Variants in INTS6 observed in about 807,000 individuals in gnomAD.
INTS6 encodes integrator complex subunit 6.
Under a neutral mutation model 104.9 loss-of-function variants are expected in INTS6, and 16 were observed. The observed-to-expected ratio is 0.15, with a 90% confidence interval of 0.10 to 0.23. The LOEUF (loss-of-function observed/expected upper bound fraction) is 0.23, where lower values mean the gene tolerates loss of function less well. Among genes scored for constraint, INTS6 ranks in the 10% least tolerant of loss-of-function variants. INTS6 has a pLI of 1.00. For synonymous variants in INTS6, 324 were observed against 358.7 expected (o/e 0.90, Z 1.09); for missense variants, 584 against 1,062.8 (o/e 0.55, Z 6.26).
chr13:51,341,331 G>C, the INTS6 span: 1 of 1,601,606 alleles, frequency 6.2e-7, no homozygotes, highest in Middle Eastern at 1.7e-4. Context: ...CAGATGCCCT[G>C]GGGTACACTG....
chr13:51,380,636 TTA>T (rs1452399375), intron 10 of INTS6, among the ~76,000 whole-genome samples: 14 of 152,210 alleles, frequency 9.2e-5, no homozygotes. Context: ...AATCTCCTAA[TTA>T]TATTAGGGAT....
chr13:51,374,994 A>C (rs1955889410), intron 13 of INTS6, among the ~76,000 whole-genome samples, 198 bp from the exon 14 acceptor site: 1 of 152,158 alleles, frequency 6.6e-6, no homozygotes. Context: ...TCATCATCTA[A>C]ACAAAACAAA....
At chr13:51,397,312 G>A (rs920316443) in intron 4 of INTS6, among the ~76,000 whole-genome samples, 1 of 151,906 alleles carries the variant, frequency 6.6e-6, no homozygotes. Context: ...ATGTTATACT[G>A]GCACCTCTCT....
At chr13:51,381,986 T>C (rs9526753) in intron 10 of INTS6, 43 bp downstream of exon 10, 863,401 of 1,339,256 alleles carry the variant, frequency 0.64, 282,713 homozygotes, top group African/African-American at 0.9. Context: ...CAGGCGTGAG[T>C]CACTGCGCCC....
chr13:51,393,074 AT>A (rs368682215), intron 5 of INTS6, among the ~76,000 whole-genome samples: 5,487 of 139,370 alleles, frequency 0.039, 78 homozygotes, highest in African/African-American at 0.063. Flanking sequence ...AAACAACTAA[AT>A]TTTTTTTTTT....
chr13:51,428,048 C>A (rs1957015357), intron 4 of INTS6, among the ~76,000 whole-genome samples: 1 of 152,084 alleles, frequency 6.6e-6, no homozygotes, highest in South Asian at 2.1e-4. Flanking sequence ...CAAAACAGAT[C>A]CAGACATATG....
intron 3 of INTS6, chr13:51,450,674 G>A (rs1358814081): frequency 2.0e-6 from 2 of 995,842 alleles, no homozygotes; most frequent in Non-Finnish European, 2.4e-6. Context: ...ACGAACTAGT[G>A]TCTCTAAGCC....
chr13:51,446,008 T>C (rs1453632724), intron 3 of INTS6: 3 of 152,194 alleles, frequency 2.0e-5, no homozygotes, highest in Non-Finnish European at 2.9e-5. Flanking sequence ...TTCAGTGACA[T>C]TGGATTTAGC....
intron 5 of INTS6, among the ~76,000 whole-genome samples, chr13:51,394,020 CCA>C (rs1593700564): frequency 6.6e-6 from 1 of 150,724 alleles, no homozygotes; most frequent in Non-Finnish European, 1.5e-5. Flanking sequence ...AGTAAAATCC[CCA>C]GAGTTTAAAA....
intron 3 of INTS6, chr13:51,449,691 CTG>C (rs2138176316): frequency 1.0e-6 from 1 of 985,292 alleles, no homozygotes; most frequent in East Asian, 1.1e-4. Context: ...AGCAGTAAGA[CTG>C]TGTTGCACTA....
intron 4 of INTS6, chr13:51,423,147 C>A: frequency 1.2e-6 from 1 of 816,768 alleles, no homozygotes; most frequent in Non-Finnish European, 1.7e-6. Flanking sequence ...TATTCTTATA[C>A]ACAGCCAAAG....
chr13:51,415,991 A>G (rs1956780245), intron 4 of INTS6, among the ~76,000 whole-genome samples: 1 of 152,236 alleles, frequency 6.6e-6, no homozygotes, highest in Non-Finnish European at 1.5e-5. Context: ...CACAGAAGTC[A>G]AGAGAAGCTT....
At chr13:51,393,223 G>A (rs1276255612) in intron 5 of INTS6, among the ~76,000 whole-genome samples, 1 of 151,988 alleles carries the variant, frequency 6.6e-6, no homozygotes, top group East Asian at 1.9e-4. Context: ...GATTACAGGC[G>A]TGTGCCATCA....
chr13:51,439,379 T>G (rs1952751073), intron 3 of INTS6: 1 of 152,198 alleles, frequency 6.6e-6, no homozygotes, highest in Non-Finnish European at 1.5e-5. Flanking sequence ...AATTTGTCCT[T>G]TGGTTACAAC....
In INTS6 at chr13:51,363,970, T is replaced by C. The variant is rs1955635286; in HGVS notation, c.*1782A>G. 1 of 249,644 alleles carries C rather than the reference T, an allele frequency of 4.0e-6. No homozygotes were observed. The highest frequency in any genetic ancestry group is 2.2e-5 in the African/African-American group (1 of 44,986). The allele number at this position is 249,644 out of a possible 1,614,324, so 15.5% of individuals were successfully genotyped here. A position where few individuals can be genotyped will look rare whatever the true frequency, so the allele number is the denominator to read the frequency against. On this transcript the variant is annotated 3_prime_UTR_variant, in exon 18 of 18. Transcript: ENST00000311234. ...TGAATCTCTTTCCTAGATACTCTTG[T>C]TAAGTATGAATTTTTATCTGAATGA...
intron 15 of INTS6, among the ~76,000 whole-genome samples, chr13:51,373,774 A>G (rs947943980): frequency 1.3e-5 from 2 of 152,160 alleles, no homozygotes; most frequent in African/African-American, 4.8e-5. Context: ...TACTTCCAAT[A>G]TCTGTTCAAT....
At position 51,451,181 on chromosome 13, in the gene INTS6, AG is replaced by A; in HGVS notation, c.190-8del. The A allele has an allele frequency of 6.5e-7, 1 of 1,546,316 alleles. No individual in the cohort carries two copies. The highest frequency in any genetic ancestry group is 1.4e-5 in the African/African-American group (1 of 71,962). On this transcript the variant is annotated splice_region_variant and splice_polypyrimidine_tract_variant and intron_variant, in intron 2 of 17. Coordinates refer to ENST00000311234, the MANE Select transcript of INTS6 (RefSeq NM_012141.3). The stretch of plus-strand genomic sequence containing the variant: ...GGTTTTCTTTCCATCCAGCCTGAAA[AG>A]AAAAATGTAAGATTTTTTTTTTTCA...
Position 51,374,387 on chromosome 13 carries a change from T to G in INTS6, c.1925A>C (p.His642Pro). 1 of 1,614,090 alleles carries G rather than the reference T, an allele frequency of 6.2e-7. No individual in the cohort carries two copies. Among genetic ancestry groups the G allele is most frequent in the African/African-American group, 1.3e-5 (1 of 75,050 alleles). The change falls in exon 15 of 18, where the codon CAT (histidine) becomes CCT (proline). Residue 642 changes from histidine to proline, a missense_variant. His to Pro is a moderately conservative substitution (Grantham distance 77). Transcript: ENST00000311234. ...CATATTTGGTTCTCCGGGTCGTTTA[T>G]GTTTATTTTGAGGTCCAGCCACAAA... is the stretch of plus-strand genomic sequence containing the variant. Reference protein sequence around the residue: ...DEFVAGPQNKHKRPGEPNMQG... With the variant: ...DEFVAGPQNKPKRPGEPNMQG...
At chr13:51,394,442 C>G (rs565360646) in intron 5 of INTS6, among the ~76,000 whole-genome samples, 50 of 152,292 alleles carry the variant, frequency 3.3e-4, no homozygotes, top group African/African-American at 2.4e-5. Flanking sequence ...TTAGAACTTA[C>G]ATTTTCTCTT....
Sources: gnomAD v4.1 joint callset for allele counts (sites outside exome capture counted in the v4.1 genomes callset) on GRCh38, gnomAD v4.1.1 for gene constraint, MANE v1.5 for transcripts, NCBI Gene and HGNC (gene_info 2026-07-23, HGNC 2026-07-21) for gene names.